The following CD163 variants were observed in gnomAD, a reference collection of about 807,000 sequenced individuals.
The protein encoded by CD163 is CD163 molecule.
CD163 carries 64 observed loss-of-function variants against 129.2 expected under a neutral mutation model. That is an observed-to-expected ratio of 0.50 (90% CI 0.41 to 0.61). The LOEUF (loss-of-function observed/expected upper bound fraction) is 0.61. Ranked by LOEUF, CD163 falls within the 20% of genes least tolerant of loss-of-function variation. CD163 has a pLI of 0.00. For missense variants in CD163, 1,061 were observed against 1,377.9 expected (o/e 0.77, Z 3.64); for synonymous variants, 446 against 478.5 (o/e 0.93, Z 0.89).
intron 10 of CD163, among the ~76,000 whole-genome samples, chr12:7,486,032 C>T (rs1442741581): frequency 1.3e-5 from 2 of 152,160 alleles, no homozygotes; most frequent in Non-Finnish European, 1.5e-5. Flanking sequence ...GGGCAGTAAC[C>T]TCATGCTACT....
intron 6 of CD163, among the ~76,000 whole-genome samples, chr12:7,488,695 G>A (rs562836630): frequency 2.2e-4 from 33 of 152,236 alleles, no homozygotes; most frequent in African/African-American, 7.9e-4. Flanking sequence ...CAATGGACAT[G>A]TCTCAACTGC....
intron 15 of CD163, 153 bp from the exon 16 acceptor site, chr12:7,480,066 G>C: frequency 2.7e-6 from 4 of 1,477,554 alleles, no homozygotes; most frequent in Non-Finnish European, 3.6e-6. Context: ...GGCTCTTTGA[G>C]CAACTAAAAA....
At position 7,486,809 on chromosome 12, in the gene CD163, A is replaced by C; in HGVS notation, c.2148T>G (p.Ser716Arg). ...CTCCATTTACCAGGCGAAGTTGACC[A>C]CTCTCTGCAAAGAGAAATGAAACTA... ...PEESAVACIE[S>R]GQLRLVNGGG... The change falls in exon 10 of 17, where the codon AGT (serine) becomes AGG (arginine). Residue 716 changes from serine (S) to arginine (R), a missense_variant. Physicochemically the swap from Ser to Arg is moderately radical, Grantham distance 110 (BLOSUM62 -1). Coordinates refer to ENST00000432237, the MANE Select transcript of CD163 (RefSeq NM_203416.4). 5 of 1,607,692 alleles carry C rather than the reference A, an allele frequency of 3.1e-6. No individual in the cohort carries two copies. Among genetic ancestry groups the C allele is most frequent in the South Asian group, 1.1e-5 (1 of 90,616 alleles).
At chr12:7,483,737 G>T in intron 11 of CD163, 62 bp from the exon 12 acceptor site, 1 of 1,069,202 alleles carries the variant, frequency 9.4e-7, no homozygotes, top group Non-Finnish European at 1.3e-6. Flanking sequence ...GGAGTTCACA[G>T]GTGAAAAGAG....
chr12:7,494,316 G>A (rs1220289527), intron 6 of CD163, among the ~76,000 whole-genome samples: 3 of 151,860 alleles, frequency 2.0e-5, no homozygotes, highest in Admixed American at 6.6e-5. Flanking sequence ...TTTTTCAATC[G>A]GAGGATAATT....
chr12:7,482,528 T>C, intron 14 of CD163, 115 bp downstream of exon 14: 1 of 1,199,076 alleles, frequency 8.3e-7, no homozygotes, highest in Non-Finnish European at 1.2e-6. Context: ...GAGAAACTGC[T>C]CAAACCTCTT....
intron 4 of CD163, among the ~76,000 whole-genome samples, chr12:7,497,780 C>T (rs781105104): frequency 1.3e-5 from 2 of 152,054 alleles, no homozygotes; most frequent in African/African-American, 4.8e-5. Flanking sequence ...GATTGTGATT[C>T]GTCAGCATGT....
In CD163 at chr12:7,496,205, C is replaced by T. The variant is rs1000447820; in HGVS notation, c.1099+608G>A. ...ACAGATGAAGCTAGAAACCATCATC[C>T]TCAGCAAACTAACACACAAGAACAG... On this transcript the variant is annotated intron_variant, in intron 5 of 16. Coordinates refer to ENST00000432237, the MANE Select transcript of CD163 (RefSeq NM_203416.4). The surrounding 1 kb of genome is among the most constrained non-coding windows in gnomAD (Gnocchi z 4.8). Among the ~76,000 whole-genome samples the T allele has an allele frequency of 2.0e-5, 3 of 152,108 alleles. No homozygotes were observed. The highest frequency in any genetic ancestry group is 7.2e-5 in the African/African-American group (3 of 41,406).
At chr12:7,473,918 G>C (rs1262101336) in intron 16 of CD163, among the ~76,000 whole-genome samples, 1 of 151,666 alleles carries the variant, frequency 6.6e-6, no homozygotes, top group Non-Finnish European at 1.5e-5. Context: ...AAGAAAACAG[G>C]GGTTGCAATT....
chr12:7,496,896 T>A lies in CD163; in HGVS notation c.1016A>T (p.Glu339Val). The A allele has an allele frequency of 6.2e-7, 1 of 1,614,030 alleles. No individual in the cohort carries two copies. The highest frequency in any genetic ancestry group is 1.3e-5 in the African/African-American group (1 of 75,044). Residue 339 changes from glutamate to valine, a missense_variant, in exon 5 of 17, where the codon GAA becomes GTA. Coordinates refer to ENST00000432237, the MANE Select transcript of CD163 (RefSeq NM_203416.4). This position sits in a 1 kb window ranked among gnomAD's most constrained non-coding sequence, Gnocchi z 4.8. ...GTGTTTACATTGCCAGATAGCAGGT[T>A]CATGTCCCTGGCAAGAAACGCTGTC... ...WLDSVSCQGHEPAIWQCKHHE... is the reference protein window; with the variant it reads ...WLDSVSCQGHVPAIWQCKHHE...
rs1949258845 is a variant in CD163, at chr12:7,486,915, C to A, written c.2122G>T (p.Glu708Ter). 6.2e-7 allele frequency: 1 copy of A among 1,614,096 alleles called. No individual in the cohort carries two copies. The highest frequency in any genetic ancestry group is 8.5e-7 in the Non-Finnish European group (1 of 1,179,926). The stretch of plus-strand genomic sequence containing the variant: ...TTACCTATGCAGGCCACAGCACTTT[C>A]TTCTGGAATGGTAGGCCTTGTTGGG... The part of the protein sequence containing the change: ...LGPTRPTIPE[E>*]SAVACIESGQ... The change falls in exon 9 of 17, where the codon GAA becomes TAA. Residue 708 changes from glutamate (E) to a stop codon, truncating the protein, a stop_gained. Coordinates refer to ENST00000432237, the MANE Select transcript of CD163 (RefSeq NM_203416.4). LOFTEE classifies it high-confidence loss of function.
Position 7,479,912 on chromosome 12 carries a change from T to C in CD163, c.3345A>G (p.Gly1115=). 1 of 1,613,046 alleles carries C rather than the reference T, an allele frequency of 6.2e-7. No homozygotes were observed. ...CTTTTCAGTGTGGCTCAGAATGGCCTCCTTTTCCATTCCAGAAATAGGAAG... is the reference window on the plus strand; with the variant it reads ...CTTTTCAGTGTGGCTCAGAATGGCCCCCTTTTCCATTCCAGAAATAGGAAG... ...ADDLDLMNSS[G]GHSEPH is the part of the protein sequence containing the mutation. The change falls in exon 16 of 17, where the codon GGA becomes GGG. Residue 1115 remains glycine, a splice_region_variant and synonymous_variant. Coordinates refer to ENST00000432237, the MANE Select transcript of CD163 (RefSeq NM_203416.4).
At chr12:7,484,638 T>A (rs754272012) in intron 11 of CD163, among the ~76,000 whole-genome samples, 260 of 27,506 alleles carry the variant, frequency 9.5e-3, no homozygotes, top group African/African-American at 0.015. Flanking sequence ...AAACTCTGTC[T>A]CAAAAAAAAA....
chr12:7,501,138 C>A lies in CD163; in HGVS notation c.457+1G>T. 1 of 1,613,634 alleles carries A rather than the reference C, an allele frequency of 6.2e-7. No individual in the cohort carries two copies. Among genetic ancestry groups the A allele is most frequent in the South Asian group, 1.1e-5 (1 of 91,046 alleles). On this transcript the variant is annotated splice_donor_variant, in intron 3 of 16. Coordinates refer to ENST00000432237, the MANE Select transcript of CD163 (RefSeq NM_203416.4). LOFTEE classifies it high-confidence loss of function. ...GAGGCTTTGACTAATGCAAGTCTTA[C>A]CTGAGCAGGTCACTCCAGCATCTTG...
At position 7,503,724 on chromosome 12, in the gene CD163, C is replaced by G. The variant is rs1949524882; in HGVS notation, c.-34G>C. 1.5e-6 allele frequency: 2 copies of G among 1,361,930 alleles called. No individual in the cohort carries two copies. Among genetic ancestry groups the G allele is most frequent in the East Asian group, 4.6e-5 (2 of 43,264 alleles). 84.4% of individuals were successfully genotyped at this position (1,361,930 alleles called of 1,614,324 possible). A position where few individuals can be genotyped will look rare whatever the true frequency, so the allele number is the denominator to read the frequency against. On this transcript the variant is annotated 5_prime_UTR_variant, in exon 1 of 17. Coordinates refer to ENST00000432237, the MANE Select transcript of CD163 (RefSeq NM_203416.4). ...TTTATAACTTCAATGATTCCTAAAT[C>G]TTCTTGTATTATTCCCTAGAAATGT... is the stretch of plus-strand genomic sequence containing the variant.
intron 3 of CD163, 35 bp downstream of exon 3, chr12:7,501,104 T>G (rs1949478533): frequency 6.3e-7 from 1 of 1,587,204 alleles, no homozygotes; most frequent in Admixed American, 1.7e-5. Context: ...CCACCAAGGA[T>G]TTTGTGTTGA....
chr12:7,479,515 T>C (rs1231516608), intron 16 of CD163, among the ~76,000 whole-genome samples: 1 of 152,266 alleles, frequency 6.6e-6, no homozygotes, highest in South Asian at 2.1e-4. Context: ...GTACAGTCTT[T>C]ACCATAGCAT....
intron 3 of CD163, 41 bp from the exon 4 acceptor site, chr12:7,499,229 T>A: frequency 6.6e-7 from 1 of 1,515,848 alleles, no homozygotes; most frequent in East Asian, 2.3e-5. Context: ...GTTACATTCA[T>A]TTAGAAGTGA....
At position 7,488,284 on chromosome 12, in the gene CD163, T is replaced by C. The variant is rs1327676960; in HGVS notation, c.1421-197A>G. On this transcript the variant is annotated intron_variant, in intron 6 of 16. Coordinates refer to ENST00000432237, the MANE Select transcript of CD163 (RefSeq NM_203416.4). ...ACCTCCCCATTCCTAGCTGAACTCA[T>C]CCATCTGAGAGAATTCTGGGACTTC... 8.5e-5 allele frequency among the ~76,000 whole-genome samples: 13 copies of C among 152,116 alleles called. 1 individual carries two copies.
Sources: allele counts gnomAD v4.1 joint callset (sites outside exome capture counted in the v4.1 genomes callset), GRCh38; gene constraint gnomAD v4.1.1; non-coding constraint Gnocchi (gnomAD v3.1); transcripts MANE v1.5; gene names NCBI Gene and HGNC (gene_info 2026-07-23, HGNC 2026-07-21).